The following PITPNM2 variants were observed in gnomAD, a reference collection of about 807,000 sequenced individuals.
PITPNM2 encodes membrane-associated phosphatidylinositol transfer protein 2.
PITPNM2 carries 35 observed loss-of-function variants against 132.2 expected under a neutral mutation model. That is an observed-to-expected ratio of 0.26 (90% CI 0.20 to 0.35). The LOEUF (loss-of-function observed/expected upper bound fraction) is 0.35, where lower values mean the gene tolerates loss of function less well. Ranked by LOEUF, PITPNM2 falls within the 10% of genes least tolerant of loss-of-function variation. The pLI is 1.00. For synonymous variants in PITPNM2, 738 were observed against 799.2 expected, an observed-to-expected ratio of 0.92 and a Z score of 1.29; for missense variants, 1,332 against 1,912.0, an observed-to-expected ratio of 0.70 and a Z score of 5.66.
In PITPNM2 at chr12:122,989,123, G is replaced by A. The variant is rs561249296; in HGVS notation, c.2732-251C>T. On this transcript the variant is annotated intron_variant, in intron 18 of 25. Transcript: ENST00000320201. ...CTGCGGTTGCGTGGGAGGACCAGTC[G>A]CCATCTGTGGGATGGTACCAGCTGT... is the stretch of plus-strand genomic sequence containing the variant. Among the ~76,000 whole-genome samples the A allele has an allele frequency of 3.9e-5, 6 of 152,308 alleles. No homozygotes were observed. In the South Asian group the frequency reaches 8.3e-4, roughly 21 times the overall value.
intron 2 of PITPNM2, among the ~76,000 whole-genome samples, 168 bp downstream of exon 2, chr12:123,110,217 G>A (rs951316926): frequency 6.6e-6 from 1 of 152,116 alleles, no homozygotes; most frequent in Non-Finnish European, 1.5e-5. Flanking sequence ...GCCTCCCAAA[G>A]TGCTGGGATT....
At chr12:123,116,849 T>C (rs1349377000) in intron 1 of PITPNM2, among the ~76,000 whole-genome samples, 1 of 152,060 alleles carries the variant, frequency 6.6e-6, no homozygotes, top group Non-Finnish European at 1.5e-5. Flanking sequence ...ACCAGTACCA[T>C]CTCACCAGCC....
chr12:123,073,797 G>A (rs1265224398), intron 2 of PITPNM2, among the ~76,000 whole-genome samples: 1 of 152,226 alleles, frequency 6.6e-6, no homozygotes. Flanking sequence ...CAAGTGAGTG[G>A]TAGGGCAGAT....
chr12:123,127,831 A>G (rs369539737), intron 1 of PITPNM2, among the ~76,000 whole-genome samples: 74 of 152,106 alleles, frequency 4.9e-4, no homozygotes, highest in South Asian at 1.7e-3. Context: ...GGATGGTATC[A>G]ATCTCCTGAC....
chr12:123,049,005 G>A (rs2040769377), intron 2 of PITPNM2, among the ~76,000 whole-genome samples: 1 of 152,122 alleles, frequency 6.6e-6, no homozygotes. Flanking sequence ...ATGGTGGCAT[G>A]TACCTGTAGT....
intron 17 of PITPNM2, 106 bp downstream of exon 17, chr12:122,990,439 C>A: frequency 1.4e-6 from 2 of 1,471,262 alleles, no homozygotes; most frequent in Non-Finnish European, 9.2e-7. Flanking sequence ...AGCAGCCCTC[C>A]CTAGCTTCAT....
At chr12:123,029,200 C>T (rs557803434) in intron 3 of PITPNM2, among the ~76,000 whole-genome samples, 4 of 152,344 alleles carry the variant, frequency 2.6e-5, no homozygotes, top group African/African-American at 9.6e-5. Flanking sequence ...CCTAGGAGCC[C>T]GGAGATCTGA....
At chr12:123,100,696 G>A (rs553645345) in intron 2 of PITPNM2, among the ~76,000 whole-genome samples, 3 of 151,842 alleles carry the variant, frequency 2.0e-5, no homozygotes, top group Admixed American at 1.3e-4. Context: ...ACATGATGCT[G>A]AGTGAAAGAA....
Position 123,031,934 on chromosome 12 carries a change from G to C in PITPNM2, c.78+2579C>G, listed in dbSNP as rs2040106453. ...GCCACAGTGTCTCTGCCTAGCTGGG[G>C]AGGATGCCCATCTGTCCAACAAGCT... On this transcript the variant is annotated intron_variant, in intron 3 of 25. Transcript: ENST00000320201. This position sits in a 1 kb window ranked among gnomAD's most constrained non-coding sequence, Gnocchi z 4.5. Among the ~76,000 whole-genome samples the C allele has an allele frequency of 6.6e-6, 1 of 152,188 alleles. No individual in the cohort carries two copies. Among genetic ancestry groups the C allele is most frequent in the South Asian group, 2.1e-4 (1 of 4,834 alleles).
intron 16 of PITPNM2, chr12:122,991,828 G>A (rs1432584113): frequency 3.8e-6 from 5 of 1,303,370 alleles, no homozygotes; most frequent in Admixed American, 3.1e-5. Context: ...CCAGGAAGCC[G>A]TCCCCGTGGG....
At chr12:122,989,715 G>A in intron 18 of PITPNM2, 72 bp downstream of exon 18, 2 of 1,303,222 alleles carry the variant, frequency 1.5e-6, no homozygotes, top group Non-Finnish European at 9.9e-7. Flanking sequence ...GTCTAGGTGG[G>A]CAGAGCCTGG....
intron 2 of PITPNM2, chr12:123,075,991 G>A (rs892907918): frequency 6.6e-6 from 1 of 152,312 alleles, no homozygotes; most frequent in Non-Finnish European, 1.5e-5. Flanking sequence ...GCCTCCCATA[G>A]AGGCTGAGAG....
intron 5 of PITPNM2, among the ~76,000 whole-genome samples, chr12:123,011,306 G>T (rs1360150443): frequency 1.3e-5 from 2 of 152,252 alleles, no homozygotes; most frequent in East Asian, 3.9e-4. Flanking sequence ...TCAGGAGCAA[G>T]TCTGAGGACC....
chr12:123,144,917 A>G (rs2043581228), intron 1 of PITPNM2, among the ~76,000 whole-genome samples: 1 of 152,244 alleles, frequency 6.6e-6, no homozygotes, highest in Non-Finnish European at 1.5e-5. Flanking sequence ...TGGTTAAAGA[A>G]AATATTGTCC....
chr12:123,009,819 G>C lies in PITPNM2; in HGVS notation c.643+31C>G. On this transcript the variant is annotated intron_variant, in intron 6 of 25. Coordinates refer to ENST00000320201, the MANE Select transcript of PITPNM2 (RefSeq NM_020845.3). The surrounding 1 kb of genome is among the most constrained non-coding windows in gnomAD (Gnocchi z 4.8). ...GGAGACAGAGGGGTTGGGTAGCCCA[G>C]CCACTGCCCACCTGGCATGGGTGTG... 1 of 1,596,896 alleles carries C rather than the reference G, an allele frequency of 6.3e-7. No individual in the cohort carries two copies. The highest frequency in any genetic ancestry group is 8.6e-7 in the Non-Finnish European group (1 of 1,164,576).
chr12:123,023,425 C>T lies in PITPNM2; in HGVS notation c.79-9383G>A, dbSNP rs2039745201. ...GGCAAAAAATGGAACCAGGAGGACA[C>T]TTACAAAGACATCCTCAAGATGACC... On this transcript the variant is annotated intron_variant, in intron 3 of 25. Transcript: ENST00000320201. The surrounding 1 kb of genome is among the most constrained non-coding windows in gnomAD (Gnocchi z 4.8). 6.6e-6 allele frequency among the ~76,000 whole-genome samples: 1 copy of T among 152,168 alleles called. No individual in the cohort carries two copies. Among genetic ancestry groups the T allele is most frequent in the Non-Finnish European group, 1.5e-5 (1 of 68,030 alleles).
chr12:123,130,046 G>A (rs905690127), intron 1 of PITPNM2, among the ~76,000 whole-genome samples: 3 of 151,984 alleles, frequency 2.0e-5, no homozygotes, highest in African/African-American at 4.8e-5. Context: ...TGGGACTACA[G>A]GTACACACCA....
intron 2 of PITPNM2, chr12:123,089,972 C>A (rs76956155): frequency 3.3e-5 from 5 of 152,342 alleles, no homozygotes; most frequent in East Asian, 1.9e-4. Flanking sequence ...GAAAGGAAAT[C>A]AACATTTATG....
At chr12:123,055,743 G>T (rs1744029268) in intron 2 of PITPNM2, among the ~76,000 whole-genome samples, 1 of 152,110 alleles carries the variant, frequency 6.6e-6, no homozygotes, top group Non-Finnish European at 1.5e-5. Flanking sequence ...CAGATTCTGG[G>T]TGAGAATTCT....
Sources: gnomAD v4.1 joint callset for allele counts (sites outside exome capture counted in the v4.1 genomes callset) on GRCh38, gnomAD v4.1.1 for gene constraint, Gnocchi (gnomAD v3.1) non-coding constraint, MANE v1.5 for transcripts, NCBI Gene and HGNC (gene_info 2026-07-23, HGNC 2026-07-21) for gene names.